PARD3: variants seen among roughly 807,000 people sequenced by gnomAD.
PARD3 encodes the protein partitioning defective 3 homolog.
A neutral mutation model predicts 155.4 loss-of-function variants in PARD3; 75 were observed. The ratio of observed to expected loss-of-function variants is 0.48; its 90% CI spans 0.40 to 0.58. PARD3 has a LOEUF of 0.58. Ranked by LOEUF, PARD3 falls within the 20% of genes least tolerant of loss-of-function variation. PARD3 has a pLI of 0.00. For synonymous variants in PARD3, 576 were observed against 610.5 expected, an observed-to-expected ratio of 0.94 and a Z score of 0.83; for missense variants, 1,642 against 1,721.7, an observed-to-expected ratio of 0.95 and a Z score of 0.82.
At chr10:34,809,195 A>C (rs1843763462) in intron 1 of PARD3, among the ~76,000 whole-genome samples, 1 of 152,220 alleles carries the variant, frequency 6.6e-6, no homozygotes, top group Non-Finnish European at 1.5e-5. Context: ...TGCTGATGAT[A>C]GTCCTCTCAG....
intron 14 of PARD3, among the ~76,000 whole-genome samples, chr10:34,350,866 C>A (rs2042605945): frequency 6.6e-6 from 1 of 152,082 alleles, no homozygotes; most frequent in Non-Finnish European, 1.5e-5. Flanking sequence ...GGCAAGATAA[C>A]CCACACTCGG....
chr10:34,402,814 G>A lies in PARD3; in HGVS notation c.715-897C>T, dbSNP rs374469032. ...AATGGGATAATCAGTATTCAAAAAG[G>A]TGCATGTGGAATAAACGTGGTAGTT... On this transcript the variant is annotated intron_variant, in intron 5 of 24. Transcript: ENST00000374788. Among the ~76,000 whole-genome samples the A allele has an allele frequency of 2.0e-3, 309 of 152,230 alleles. 11 individuals carry two copies. The South Asian group carries it at 0.06, about 30-fold the overall frequency.
chr10:34,367,329 G>T (rs1431144977), intron 12 of PARD3, among the ~76,000 whole-genome samples: 2 of 152,198 alleles, frequency 1.3e-5, no homozygotes, highest in Non-Finnish European at 2.9e-5. Flanking sequence ...ATTCATTTAT[G>T]ATATAAAGAA....
intron 2 of PARD3, among the ~76,000 whole-genome samples, chr10:34,547,742 A>C (rs879260060): frequency 4.6e-5 from 7 of 152,234 alleles, no homozygotes; most frequent in Admixed American, 6.5e-5. Context: ...TAATGATGAC[A>C]AAAAATGCAC....
chr10:34,309,470 A>T (rs1957583390), intron 20 of PARD3, among the ~76,000 whole-genome samples: 1 of 142,278 alleles, frequency 7.0e-6, no homozygotes, highest in South Asian at 2.3e-4. Flanking sequence ...AGGTGGGAGC[A>T]TCACTTGAGC....
At chr10:34,565,018 G>T (rs2134096935) in intron 2 of PARD3, among the ~76,000 whole-genome samples, 1 of 152,110 alleles carries the variant, frequency 6.6e-6, no homozygotes, top group South Asian at 2.1e-4. Flanking sequence ...AACTTCTGGA[G>T]CCAAGATCAG....
intron 2 of PARD3, among the ~76,000 whole-genome samples, chr10:34,602,341 A>G (rs2089861046): frequency 6.6e-6 from 1 of 152,148 alleles, no homozygotes; most frequent in South Asian, 2.1e-4. Context: ...TTGTAGATCC[A>G]CTAATGGAAA....
At chr10:34,788,372 T>C (rs968308648) in intron 1 of PARD3, among the ~76,000 whole-genome samples, 1 of 151,872 alleles carries the variant, frequency 6.6e-6, no homozygotes, top group African/African-American at 2.4e-5. Flanking sequence ...TCTAAACACC[T>C]GATATAAGAT....
intron 1 of PARD3, among the ~76,000 whole-genome samples, chr10:34,699,683 G>C (rs1245578488): frequency 6.6e-6 from 1 of 152,134 alleles, no homozygotes; most frequent in Non-Finnish European, 1.5e-5. Flanking sequence ...ATTGTGATAA[G>C]GTCCGGCATG....
intron 20 of PARD3, among the ~76,000 whole-genome samples, chr10:34,311,697 G>A (rs567081026): frequency 3.3e-5 from 5 of 152,292 alleles, no homozygotes; most frequent in African/African-American, 1.2e-4. Flanking sequence ...GGAAGAACCT[G>A]CTGGTTCAGC....
intron 1 of PARD3, among the ~76,000 whole-genome samples, chr10:34,717,045 G>A (rs4622207): frequency 0.31 from 47,671 of 151,726 alleles, 8,038 homozygotes; most frequent in Non-Finnish European, 0.38. Context: ...AGTGTGGCCC[G>A]GGGATACCAA....
chr10:34,652,379 T>G (rs1208020471), intron 2 of PARD3, among the ~76,000 whole-genome samples: 4 of 152,138 alleles, frequency 2.6e-5, no homozygotes. Flanking sequence ...ATGGGTGTGA[T>G]GGGGAGAGGG....
intron 18 of PARD3, among the ~76,000 whole-genome samples, chr10:34,334,313 T>C (rs777008110): frequency 3.4e-5 from 5 of 148,010 alleles, no homozygotes; most frequent in Non-Finnish European, 7.5e-5. Context: ...CCTAGATCTG[T>C]TTCCTATTCC....
At chr10:34,654,804 T>G (rs12241704) in intron 2 of PARD3, among the ~76,000 whole-genome samples, 10,870 of 152,218 alleles carry the variant, frequency 0.071, 1,274 homozygotes, top group African/African-American at 0.25. Context: ...TATGCTTTCC[T>G]TAATTCCGAT....
chr10:34,154,061 G>A (rs1243260659), intron 22 of PARD3, among the ~76,000 whole-genome samples: 1 of 152,144 alleles, frequency 6.6e-6, no homozygotes, highest in Non-Finnish European at 1.5e-5. Flanking sequence ...TTTGGTTTTA[G>A]TTGACACTAA....
At chr10:34,575,750 G>A (rs2086831459) in intron 2 of PARD3, among the ~76,000 whole-genome samples, 1 of 151,988 alleles carries the variant, frequency 6.6e-6, no homozygotes, top group African/African-American at 2.4e-5. Flanking sequence ...ACAAAAGTTA[G>A]CTGGACATGG....
intron 3 of PARD3, among the ~76,000 whole-genome samples, chr10:34,490,647 A>C (rs891210636): frequency 2.6e-5 from 4 of 152,238 alleles, no homozygotes; most frequent in African/African-American, 9.6e-5. Context: ...TCAAATGTTT[A>C]GTCAATTTAA....
chr10:34,452,001 TAA>T (rs2077088704), intron 4 of PARD3, among the ~76,000 whole-genome samples: 1 of 152,138 alleles, frequency 6.6e-6, no homozygotes, highest in Non-Finnish European at 1.5e-5. Flanking sequence ...GAAATTCAGA[TAA>T]GTCATAAAGG....
Position 34,139,687 on chromosome 10 carries a change from C to T in PARD3, c.3420-8104G>A, listed in dbSNP as rs114761189. Among the ~76,000 whole-genome samples, 948 of 152,258 alleles carry T rather than the reference C, an allele frequency of 6.2e-3. 8 individuals are homozygous for T. Among genetic ancestry groups the T allele is most frequent in the African/African-American group, 0.021 (873 of 41,534 alleles). ...ACAGGCAGCCAGCAGTGACCACCAGCGTCTCAGATCATTAAGCAATGTCTT... is the reference window on the plus strand; with the variant it reads ...ACAGGCAGCCAGCAGTGACCACCAGTGTCTCAGATCATTAAGCAATGTCTT... On this transcript the variant is annotated intron_variant, in intron 22 of 24. Transcript: ENST00000374788.
Sources: allele counts gnomAD v4.1 joint callset (sites outside exome capture counted in the v4.1 genomes callset), GRCh38; gene constraint gnomAD v4.1.1; transcripts MANE v1.5; gene names NCBI Gene and HGNC (gene_info 2026-07-23, HGNC 2026-07-21).